The following YEATS2 variants were observed in gnomAD, a reference collection of about 807,000 sequenced individuals.
The protein encoded by YEATS2 is YEATS domain-containing protein 2.
In YEATS2, 77 loss-of-function variants were observed where a neutral mutation model predicts 163.2. The observed-to-expected ratio is 0.47, with a 90% confidence interval of 0.39 to 0.57. The LOEUF (loss-of-function observed/expected upper bound fraction) is 0.57. Among genes scored for constraint, YEATS2 ranks in the 20% least tolerant of loss-of-function variants. The pLI, the probability that YEATS2 is intolerant of heterozygous loss-of-function variation, is 0.00. For synonymous variants in YEATS2, 631 were observed against 645.1 expected (o/e 0.98, Z 0.33); for missense variants, 1,549 against 1,729.8 (o/e 0.90, Z 1.85).
At chr3:183,698,037 C>G (rs941827917) in intron 1 of YEATS2, 44 bp downstream of exon 1, 7 of 152,008 alleles carry the variant, frequency 4.6e-5, no homozygotes, top group Non-Finnish European at 8.8e-5. Flanking sequence ...GGGAGCGCGC[C>G]CCGCTCTCCG....
At chr3:183,749,979 G>A (rs1296334168) in intron 9 of YEATS2, among the ~76,000 whole-genome samples, 3 of 151,792 alleles carry the variant, frequency 2.0e-5, no homozygotes, top group Non-Finnish European at 2.9e-5. Context: ...CACCACGCCC[G>A]GCTAATTTTT....
At chr3:183,715,014 G>C (rs912312695) in intron 1 of YEATS2, 130 bp from the exon 2 acceptor site, 8 of 565,104 alleles carry the variant, frequency 1.4e-5, no homozygotes, top group Non-Finnish European at 2.5e-5. Flanking sequence ...GCAAGTACCA[G>C]TATTAATGTA....
intron 8 of YEATS2, among the ~76,000 whole-genome samples, chr3:183,740,426 G>A (rs1378072422): frequency 6.6e-6 from 1 of 152,166 alleles, no homozygotes; most frequent in East Asian, 1.9e-4. Context: ...ACCAGGAAAA[G>A]TTCTTAAAGG....
intron 14 of YEATS2, 72 bp downstream of exon 14, chr3:183,761,686 ACCCCTACAACAT>A: frequency 7.4e-7 from 1 of 1,353,616 alleles, no homozygotes; most frequent in South Asian, 1.2e-5. Context: ...CATTGCCACT[ACCCCTACAACAT>A]GTTACTTTTT....
At chr3:183,698,553 T>C (rs12630496) in intron 1 of YEATS2, among the ~76,000 whole-genome samples, 63,923 of 152,056 alleles carry the variant, frequency 0.42, 14,481 homozygotes, top group African/African-American at 0.59. Flanking sequence ...TGAAGGGCTG[T>C]GGCCAGACTG....
At chr3:183,753,800 T>G (rs1244669421) in intron 10 of YEATS2, among the ~76,000 whole-genome samples, 1 of 152,162 alleles carries the variant, frequency 6.6e-6, no homozygotes, top group Non-Finnish European at 1.5e-5. Flanking sequence ...AGTGAATGCT[T>G]TCTAAGATTT....
intron 1 of YEATS2, among the ~76,000 whole-genome samples, chr3:183,712,966 G>GGCCA (rs1715431110): frequency 1.3e-5 from 2 of 151,822 alleles, no homozygotes; most frequent in Admixed American, 1.3e-4. Flanking sequence ...TCACCATGTT[G>GGCCA]GCCAGGCTGG....
At chr3:183,751,854 ATG>A (rs1720199023) in intron 9 of YEATS2, among the ~76,000 whole-genome samples, 1 of 152,366 alleles carries the variant, frequency 6.6e-6, no homozygotes, top group Admixed American at 6.5e-5. Flanking sequence ...TGAGATTTGT[ATG>A]TTAAACCAGA....
chr3:183,725,249 A>C (rs943419532), intron 6 of YEATS2, among the ~76,000 whole-genome samples: 3 of 152,054 alleles, frequency 2.0e-5, no homozygotes, highest in Middle Eastern at 3.2e-3. Context: ...GAGGCAGTAT[A>C]ATAACCCCTA....
intron 21 of YEATS2, 143 bp from the exon 22 acceptor site, chr3:183,797,780 C>T: frequency 2.1e-6 from 2 of 959,938 alleles, no homozygotes; most frequent in Non-Finnish European, 3.1e-6. Flanking sequence ...CATCTGTTGT[C>T]TCCTGCTTCT....
chr3:183,800,950 C>T (rs968284211), intron 24 of YEATS2: 3 of 190,314 alleles, frequency 1.6e-5, no homozygotes, highest in Non-Finnish European at 2.2e-5. Flanking sequence ...GCTGCCTCTT[C>T]ATGGGCTATA....
intron 6 of YEATS2, among the ~76,000 whole-genome samples, chr3:183,726,327 G>A (rs1161804172): frequency 6.6e-6 from 1 of 152,100 alleles, no homozygotes; most frequent in East Asian, 1.9e-4. Context: ...TAAAAATGTT[G>A]ATTTGGTTGC....
At chr3:183,760,313 A>AGTTTTTTTTTTTTTT (rs1283432086) in intron 13 of YEATS2, among the ~76,000 whole-genome samples, 1 of 110,314 alleles carries the variant, frequency 9.1e-6, no homozygotes, top group Non-Finnish European at 1.8e-5. Flanking sequence ...AAACTACAGA[A>AGTTTTTTTTTTTTTT]TTTTTTTTTT....
intron 15 of YEATS2, among the ~76,000 whole-genome samples, chr3:183,768,752 C>T (rs1012412726): frequency 2.6e-5 from 4 of 152,054 alleles, no homozygotes; most frequent in Non-Finnish European, 5.9e-5. Flanking sequence ...ACAGGTAGAT[C>T]GCCTGAGGTC....
chr3:183,728,927 T>G, intron 7 of YEATS2, 76 bp downstream of exon 7: 1 of 1,413,230 alleles, frequency 7.1e-7, no homozygotes. Context: ...TGATTTAACT[T>G]CAAAACATTT....
intron 18 of YEATS2, among the ~76,000 whole-genome samples, chr3:183,777,154 A>G (rs1374498047): frequency 2.0e-5 from 3 of 152,298 alleles, no homozygotes; most frequent in Middle Eastern, 3.4e-3. Flanking sequence ...TTGATTAGGA[A>G]CAGGTTTCCT....
intron 19 of YEATS2, among the ~76,000 whole-genome samples, chr3:183,785,208 C>T (rs767775677): frequency 3.3e-5 from 5 of 151,940 alleles, no homozygotes; most frequent in Admixed American, 6.6e-5. Context: ...GGTGTTTGGC[C>T]GGGTGCGGTG....
rs779981836 is a variant in YEATS2 at position 183,776,000 on chromosome 3, T to TGGAGGCGGCAGCACAGGA, written c.2460_2477dup (p.Ser822_Gly827dup). 960 of 1,608,404 alleles carry TGGAGGCGGCAGCACAGGA rather than the reference T, an allele frequency of 6.0e-4. 1 individual carries two copies. The highest frequency in any genetic ancestry group is 7.9e-4 in the Non-Finnish European group (934 of 1,176,898). ...GAGGAGGAGGCGGCAGTGGCAGCGG[T>TGGAGGCGGCAGCACAGGA]GGAGGCGGCAGCACAGGAGGAGGAG... On this transcript the variant is annotated inframe_insertion, in exon 18 of 31. Transcript: ENST00000305135.
intron 8 of YEATS2, among the ~76,000 whole-genome samples, chr3:183,737,576 T>C (rs553932842): frequency 6.6e-6 from 1 of 152,368 alleles, no homozygotes; most frequent in South Asian, 2.1e-4. Context: ...CTTTTTTAAA[T>C]CTGTTTACTT....
Sources: gnomAD v4.1 joint callset for allele counts (sites outside exome capture counted in the v4.1 genomes callset) on GRCh38, gnomAD v4.1.1 for gene constraint, MANE v1.5 for transcripts, NCBI Gene and HGNC (gene_info 2026-07-23, HGNC 2026-07-21) for gene names.